The following CIAO3 variants were observed in gnomAD, a reference collection of about 807,000 sequenced individuals.
The protein encoded by CIAO3 is LET1 like/JFP15.
A neutral mutation model predicts 51.5 loss-of-function variants in CIAO3; 45 were observed. That is an observed-to-expected ratio of 0.87 (90% confidence interval 0.69 to 1.12). The LOEUF is 1.12. CIAO3 is among the 50% of genes most tolerant of loss of function. The pLI, the probability that CIAO3 is intolerant of heterozygous loss-of-function variation, is 0.00. For synonymous variants in CIAO3, 314 were observed against 269.3 expected (o/e 1.17, Z -1.63); for missense variants, 668 against 632.5 (o/e 1.06, Z -0.60).
intron 8 of CIAO3, 138 bp downstream of exon 8, chr16:732,163 C>T: frequency 4.4e-6 from 4 of 899,380 alleles, no homozygotes; most frequent in Non-Finnish European, 6.9e-6. Flanking sequence ...CAGGCGTGAG[C>T]TACTGCGCCT....
chr16:740,152 C>T (rs901364757), intron 1 of CIAO3: 2 of 1,275,586 alleles, frequency 1.6e-6, no homozygotes, highest in Non-Finnish European at 1.0e-6. Context: ...AAGTGGATTT[C>T]TCTCTCTTCT....
At chr16:733,135 C>T (rs1056937184) in intron 7 of CIAO3, 163 bp downstream of exon 7, 31 of 894,208 alleles carry the variant, frequency 3.5e-5, no homozygotes, top group Non-Finnish European at 4.6e-5. Flanking sequence ...AATGGGCCCA[C>T]CTGGCTCCAA....
rs1420647075 is a variant in CIAO3, at chr16:737,343, G to A, written c.163-14C>T. 1 of 1,612,440 alleles carries A rather than the reference G, an allele frequency of 6.2e-7. No individual in the cohort carries two copies. Among genetic ancestry groups the A allele is most frequent in the Non-Finnish European group, 8.5e-7 (1 of 1,179,878 alleles). On this transcript the variant is annotated splice_polypyrimidine_tract_variant and intron_variant, in intron 2 of 10. Transcript: ENST00000251588. This position sits in a 1 kb window ranked among gnomAD's most constrained non-coding sequence, Gnocchi z 5.3. ...GGTCCCGCCGTCCTACAAGGGAGAAGAACCCGGTGCACAGGGGCCCCCTCT... is the reference window on the plus strand; with the variant it reads ...GGTCCCGCCGTCCTACAAGGGAGAAAAACCCGGTGCACAGGGGCCCCCTCT...
At chr16:733,671 C>T (rs1042884583) in intron 6 of CIAO3, 26 of 536,270 alleles carry the variant, frequency 4.8e-5, no homozygotes, top group African/African-American at 1.3e-4. Context: ...CCAAGTCCAG[C>T]GGAGGAGAAG....
In CIAO3 at chr16:734,744, G is replaced by A. The variant is rs753719661; in HGVS notation, c.567C>T (p.Ala189=). The stretch of plus-strand genomic sequence containing the variant: ...CCCGCACCATGAGCACACCTGGGCA[G>A]GCAGAGGCCAGCAGGGGCAGCGCCT... ...CRQALPLLAS[A]CPGWICYAEK... The change falls in exon 5 of 11, where the codon GCC becomes GCT. Residue 189 remains alanine (A), a synonymous_variant. Coordinates refer to ENST00000251588, the MANE Select transcript of CIAO3 (RefSeq NM_022493.3). The A allele has an allele frequency of 2.5e-6, 4 of 1,612,714 alleles. No homozygotes were observed. The highest frequency in any genetic ancestry group is 3.4e-6 in the Non-Finnish European group (4 of 1,179,782).
At chr16:739,840 T>C (rs2041374123) in intron 1 of CIAO3, 102 bp from the exon 2 acceptor site, 15 of 1,340,500 alleles carry the variant, frequency 1.1e-5, no homozygotes, top group Admixed American at 1.8e-5. Context: ...GCCTGAAGGC[T>C]CTGCCAGGAG....
At chr16:735,034 G>A (rs985856820) in intron 4 of CIAO3, 163 bp from the exon 5 acceptor site, 34 of 957,562 alleles carry the variant, frequency 3.6e-5, no homozygotes, top group Non-Finnish European at 3.7e-5. Flanking sequence ...GCCACGTTGC[G>A]CCAAAGCCCC....
In CIAO3 at chr16:736,279, G is replaced by A. The variant is rs762962834; in HGVS notation, c.426C>T (p.Phe142=). ...TTCAAAGCCTACCTATTTTTTTAAA[G>A]AATGAGGTTAATTTCCTGGCAGTAT... ...PTDTARKLTS[F]FKKIGVHFVF... The change falls in exon 4 of 11, where the codon TTC becomes TTT. Residue 142 remains phenylalanine (F), a synonymous_variant. Transcript: ENST00000251588. 5 of 1,612,654 alleles carry A rather than the reference G, an allele frequency of 3.1e-6. No individual in the cohort carries two copies. In the African/African-American group the frequency reaches 4.0e-5, roughly 13 times the overall value.
intron 9 of CIAO3, chr16:731,306 C>T: frequency 1.7e-6 from 1 of 604,654 alleles, no homozygotes; most frequent in East Asian, 3.0e-5. Flanking sequence ...AGGCACCCAT[C>T]ACCTTTGCCC....
chr16:739,585 A>C, intron 2 of CIAO3, 58 bp downstream of exon 2: 1 of 1,532,532 alleles, frequency 6.5e-7, no homozygotes, highest in Non-Finnish European at 9.0e-7. Context: ...GGAAGCAGAG[A>C]AAAGTGTTTC....
intron 7 of CIAO3, 59 bp from the exon 8 acceptor site, chr16:732,432 G>C (rs1206227081): frequency 1.9e-6 from 3 of 1,582,726 alleles, no homozygotes; most frequent in Non-Finnish European, 2.6e-6. Flanking sequence ...CAAAGTCAGA[G>C]AACATCCAAG....
At position 730,417 on chromosome 16, in the gene CIAO3, C is replaced by T; in HGVS notation, c.1431G>A (p.Ter477=). The stretch of plus-strand genomic sequence containing the variant: ...CCTGGGAGTCCTGGTCCTGCAGCCC[C>T]TACCACCGGATGCCCAGGCCAGTGC... The part of the protein sequence containing the change: ...KASTGLGIRW[*] The change falls in exon 11 of 11, where the codon TAG becomes TAA. Residue 477 remains the stop codon, a stop_retained_variant. Transcript: ENST00000251588. 6.2e-7 allele frequency: 1 copy of T among 1,600,690 alleles called. No individual in the cohort carries two copies. The highest frequency in any genetic ancestry group is 1.1e-5 in the South Asian group (1 of 91,068).
Position 730,517 on chromosome 16 carries a change from T to C in CIAO3, c.1331A>G (p.His444Arg), listed in dbSNP as rs7188554. The C allele has an allele frequency of 9.7e-3, 15,645 of 1,610,620 alleles. 1,329 individuals carry two copies. In the African/African-American group the frequency reaches 0.19, roughly 19 times the overall value. Residue 444 changes from histidine (H) to arginine (R), a missense_variant, in exon 11 of 11, where the codon CAC (histidine) becomes CGC (arginine). Coordinates refer to ENST00000251588, the MANE Select transcript of CIAO3 (RefSeq NM_022493.3). Reference sequence around the variant, plus strand: ...CTCCGAGTCCGTGCCCTGCAGCCAGTGTGTGTACAGCTCCTGAACCCCAGG... The same window carrying C: ...CTCCGAGTCCGTGCCCTGCAGCCAGCGTGTGTACAGCTCCTGAACCCCAGG... ...DAPGVQELYT[H>R]WLQGTDSECA...
chr16:736,427 C>G (rs2041338675), intron 3 of CIAO3, 29 bp from the exon 4 acceptor site: 2 of 1,611,608 alleles, frequency 1.2e-6, no homozygotes, highest in Non-Finnish European at 1.7e-6. Context: ...ACGCTGCTTA[C>G]TCTGCTGGCC....
chr16:737,583 T>G lies in CIAO3; in HGVS notation c.163-254A>C, dbSNP rs1309099517. ...GAATCACAGGACTAAGGCTTGCCAC[T>G]GGTATCTCAGCAAAGCAGCAGCCAC... On this transcript the variant is annotated intron_variant, in intron 2 of 10. Transcript: ENST00000251588. The surrounding 1 kb of genome is among the most constrained non-coding windows in gnomAD (Gnocchi z 5.3). The G allele has an allele frequency of 3.4e-6, 5 of 1,454,248 alleles. No homozygotes were observed. In the East Asian group the frequency reaches 1.5e-4, roughly 44 times the overall value. 90.1% of individuals were successfully genotyped at this position (1,454,248 alleles called of 1,614,324 possible). A position where few individuals can be genotyped will look rare whatever the true frequency, so the allele number is the denominator to read the frequency against.
Position 733,426 on chromosome 16 carries a change from T to G in CIAO3, c.695A>C (p.His232Pro), listed in dbSNP as rs755696711. Residue 232 changes from histidine to proline, a missense_variant and splice_region_variant, in exon 7 of 11, where the codon CAC (histidine) becomes CCC (proline). Coordinates refer to ENST00000251588, the MANE Select transcript of CIAO3 (RefSeq NM_022493.3). ...GTGGTAGATCTTGTCAGGGGTCAAGTGCTACAAGGAGAAACAAACACTTGT... is the reference window on the plus strand; with the variant it reads ...GTGGTAGATCTTGTCAGGGGTCAAGGGCTACAAGGAGAAACAAACACTTGT... ...LVKDFFAQQQHLTPDKIYHVT... is the reference protein window; with the variant it reads ...LVKDFFAQQQPLTPDKIYHVT... The G allele has an allele frequency of 1.5e-5, 24 of 1,613,550 alleles. No individual in the cohort carries two copies. The East Asian group carries it at 5.3e-4, about 36-fold the overall frequency.
chr16:740,159 T>C lies in CIAO3; in HGVS notation c.67-421A>G, dbSNP rs1452154548. The C allele has an allele frequency of 1.0e-5, 13 of 1,267,730 alleles. No homozygotes were observed. The East Asian group carries it at 6.1e-4, about 59-fold the overall frequency. The allele number at this position is 1,267,730 out of a possible 1,614,324, so 78.5% of individuals were successfully genotyped here. On this transcript the variant is annotated intron_variant, in intron 1 of 10. Transcript: ENST00000251588. ...CGGGAAACAAGTGGATTTCTCTCTC[T>C]TCTCCTTGAGAACCCTGGCAGCCCA...
intron 5 of CIAO3, 177 bp from the exon 6 acceptor site, chr16:734,524 C>T (rs775049986): frequency 2.7e-5 from 25 of 939,368 alleles, no homozygotes; most frequent in African/African-American, 1.3e-4. Flanking sequence ...CAGGCGACAC[C>T]GCCTAGGGAC....
intron 4 of CIAO3, chr16:735,653 A>G (rs1359796870): frequency 2.0e-5 from 3 of 152,470 alleles, no homozygotes; most frequent in African/African-American, 7.2e-5. Flanking sequence ...CACCAACTGG[A>G]TATGGGTCAG....
Sources: gnomAD v4.1 joint callset for allele counts on GRCh38, gnomAD v4.1.1 for gene constraint, Gnocchi (gnomAD v3.1) non-coding constraint, MANE v1.5 for transcripts, NCBI Gene and HGNC (gene_info 2026-07-23, HGNC 2026-07-21) for gene names.